Variants in TMEM145 observed in about 807,000 individuals in gnomAD.
The protein encoded by TMEM145 is transmembrane protein 145.
TMEM145 carries 46 observed loss-of-function variants against 68.5 expected under a neutral mutation model. That is an observed-to-expected ratio of 0.67 (90% CI 0.53 to 0.86). TMEM145 has a LOEUF of 0.86. TMEM145 is among the 40% of genes least tolerant of loss of function. The probability of loss-of-function intolerance (pLI) is 0.00; values close to 1 mark genes in which losing one functional copy is unlikely to be tolerated. For synonymous variants in TMEM145, 255 were observed against 280.2 expected, an observed-to-expected ratio of 0.91 and a Z score of 0.90; for missense variants, 570 against 645.8, an observed-to-expected ratio of 0.88 and a Z score of 1.27.
chr19:42,324,823 C>A lies in TMEM145; in HGVS notation c.*6C>A. The A allele has an allele frequency of 6.4e-7, 1 of 1,558,210 alleles. No homozygotes were observed. The highest frequency in any genetic ancestry group is 8.6e-7 in the Non-Finnish European group (1 of 1,158,820). On this transcript the variant is annotated 3_prime_UTR_variant, in exon 15 of 15. Transcript: ENST00000301204. The stretch of plus-strand genomic sequence containing the variant: ...GCCCCCTTCGAGACCTCTGACCCCG[C>A]TGGACTCCGGAACACCCGTGGTGAC...
rs2038900359 is a variant in TMEM145, at chr19:42,320,411, C to T, written c.1168C>T (p.His390Tyr). 2 of 1,614,088 alleles carry T rather than the reference C, an allele frequency of 1.2e-6. No individual in the cohort carries two copies. Among genetic ancestry groups the T allele is most frequent in the Non-Finnish European group, 1.7e-6 (2 of 1,180,036 alleles). Residue 390 changes from histidine (H) to tyrosine (Y), a missense_variant, in exon 13 of 15, where the codon CAC becomes TAC. Transcript: ENST00000301204. Reference protein sequence around the residue: ...KIVNGIQLGIHLYAHGVFLIM... With the variant: ...KIVNGIQLGIYLYAHGVFLIM... ...TGTCAATGGCATCCAGCTGGGGATCCACTTGTACGCCCATGGCGTGTTTCT... is the reference window on the plus strand; with the variant it reads ...TGTCAATGGCATCCAGCTGGGGATCTACTTGTACGCCCATGGCGTGTTTCT...
intron 13 of TMEM145, among the ~76,000 whole-genome samples, chr19:42,323,129 A>G (rs1285340721): frequency 6.6e-6 from 1 of 152,210 alleles, no homozygotes; most frequent in African/African-American, 2.4e-5. Context: ...TTGCTGTCCA[A>G]TTGAACTTTC....
intron 1 of TMEM145, 118 bp from the exon 2 acceptor site, chr19:42,314,154 C>T: frequency 9.8e-7 from 1 of 1,024,674 alleles, no homozygotes; most frequent in Non-Finnish European, 1.5e-6. Context: ...GTGACCTGGT[C>T]TCCTTCTAGT....
chr19:42,318,704 A>G (rs1304894855), intron 12 of TMEM145, among the ~76,000 whole-genome samples: 2 of 149,766 alleles, frequency 1.3e-5, no homozygotes, highest in Non-Finnish European at 3.0e-5. Context: ...AAAAAAAAAC[A>G]GGATCTCCTC....
In TMEM145 at chr19:42,319,232, A is replaced by G. The variant is rs193262811; in HGVS notation, c.1074-1085A>G. Among the ~76,000 whole-genome samples the G allele has an allele frequency of 1.5e-3, 226 of 152,312 alleles. 2 individuals are homozygous for G. The highest frequency in any genetic ancestry group is 2.9e-3 in the Non-Finnish European group (200 of 68,026). On this transcript the variant is annotated intron_variant, in intron 12 of 14. Coordinates refer to ENST00000301204, the MANE Select transcript of TMEM145 (RefSeq NM_173633.3). ...CAGATCTCAGCTCTAAAGCTTATAG[A>G]TGATGTGACCTCAGACGAGCCCATT...
chr19:42,324,929 C>A lies in TMEM145; in HGVS notation c.*112C>A. 1.5e-6 allele frequency: 2 copies of A among 1,314,516 alleles called. No homozygotes were observed. The highest frequency in any genetic ancestry group is 4.2e-5 in the South Asian group (2 of 47,282). The allele number at this position is 1,314,516 out of a possible 1,614,324, so 81.4% of individuals were successfully genotyped here. A position where few individuals can be genotyped will look rare whatever the true frequency, so the allele number is the denominator to read the frequency against. On this transcript the variant is annotated 3_prime_UTR_variant, in exon 15 of 15. Transcript: ENST00000301204. ...CGATGCTGGTCTCGACCCTGAAACCCTCCCTCGGATCTGTGACCTCGGACC... is the reference window on the plus strand; with the variant it reads ...CGATGCTGGTCTCGACCCTGAAACCATCCCTCGGATCTGTGACCTCGGACC...
intron 13 of TMEM145, chr19:42,321,107 C>A: frequency 2.5e-6 from 1 of 398,922 alleles, no homozygotes; most frequent in Non-Finnish European, 4.4e-6. Context: ...TCTCCACTCT[C>A]CCCCTGCCCC....
intron 6 of TMEM145, 51 bp downstream of exon 6, chr19:42,315,128 G>C: frequency 6.2e-7 from 1 of 1,614,194 alleles, no homozygotes; most frequent in Non-Finnish European, 8.5e-7. Context: ...CACCAGAGCT[G>C]GGTGCCCACT....
At position 42,316,643 on chromosome 19, in the gene TMEM145, C is replaced by G. The variant is rs749878901; in HGVS notation, c.728-19C>G. 3 of 1,613,812 alleles carry G rather than the reference C, an allele frequency of 1.9e-6. No individual in the cohort carries two copies. In the East Asian group the frequency reaches 6.7e-5, roughly 36 times the overall value. On this transcript the variant is annotated intron_variant, in intron 9 of 14. Transcript: ENST00000301204. ...GGTCTGAGCCTGGCTCTGAGCCGCCCCCTCCTCCCTTCTCCCAGCCAAGCT... is the reference window on the plus strand; with the variant it reads ...GGTCTGAGCCTGGCTCTGAGCCGCCGCCTCCTCCCTTCTCCCAGCCAAGCT...
chr19:42,313,779 A>T lies in TMEM145; in HGVS notation c.120+283A>T, dbSNP rs1340623434. Reference sequence around the variant, plus strand: ...TCAGAGTTTGGGAAGGGTGGTGCAGAGGTGGTGCTGAAGGGACAGCACTTT... The same window carrying T: ...TCAGAGTTTGGGAAGGGTGGTGCAGTGGTGGTGCTGAAGGGACAGCACTTT... On this transcript the variant is annotated intron_variant, in intron 1 of 14. Transcript: ENST00000301204. The surrounding 1 kb of genome is among the most constrained non-coding windows in gnomAD (Gnocchi z 5.1). 6.6e-6 allele frequency among the ~76,000 whole-genome samples: 1 copy of T among 151,820 alleles called. No homozygotes were observed. Among genetic ancestry groups the T allele is most frequent in the Non-Finnish European group, 1.5e-5 (1 of 67,942 alleles).
At chr19:42,314,184 T>TG (rs1348891961) in intron 1 of TMEM145, 88 bp from the exon 2 acceptor site, 3 of 1,447,618 alleles carry the variant, frequency 2.1e-6, no homozygotes, top group African/African-American at 2.8e-5. Context: ...GCCAGGTACC[T>TG]GGGGGGTAGG....
In TMEM145 at chr19:42,324,730, C is replaced by T. The variant is rs536770855; in HGVS notation, c.1402-7C>T. ...GCGGGAGCCGCTCTCCCCGTCCCCT[C>T]CCTCAGCCCCTGCCCCGAGCGGCGC... On this transcript the variant is annotated splice_polypyrimidine_tract_variant and splice_region_variant and intron_variant, in intron 14 of 14. Transcript: ENST00000301204. 2.0e-4 allele frequency: 311 copies of T among 1,521,720 alleles called. 7 individuals are homozygous for T. The South Asian group carries it at 3.6e-3, about 18-fold the overall frequency. The allele number at this position is 1,521,720 out of a possible 1,614,324, so 94.3% of individuals were successfully genotyped here.
rs772649107 is a variant in TMEM145 at position 42,314,657 on chromosome 19, G to A, written c.318G>A (p.Gln106=). ...CAGTGATCCGGCCGGAGAACAACCA[G>A]GTCATCAACCTCACCACCCAGTATG... is the stretch of plus-strand genomic sequence containing the variant. ...KESVIRPENN[Q]VINLTTQYAW... Residue 106 remains glutamine (Q), a synonymous_variant, in exon 4 of 15, where the codon CAG becomes CAA. Transcript: ENST00000301204. The A allele has an allele frequency of 8.7e-6, 14 of 1,614,194 alleles. No homozygotes were observed. Among genetic ancestry groups the A allele is most frequent in the Non-Finnish European group, 1.2e-5 (14 of 1,180,034 alleles).
At chr19:42,320,556 G>A in intron 13 of TMEM145, 119 bp downstream of exon 13, 1 of 1,443,102 alleles carries the variant, frequency 6.9e-7, no homozygotes, top group Non-Finnish European at 9.5e-7. Flanking sequence ...TTTCCTTTTA[G>A]TCATTCTCCC....
In TMEM145 at chr19:42,323,779, C is replaced by T. The variant is rs2038935008; in HGVS notation, c.1391C>T (p.Pro464Leu). Residue 464 changes from proline to leucine, a missense_variant, in exon 14 of 15, where the codon CCC (proline) becomes CTC (leucine). By Grantham distance (98) the Pro-to-Leu change is moderately conservative (BLOSUM62 -3). Transcript: ENST00000301204. ...NFTELFSIPP[P>L]ATSPLPRAAP... ...ACGGAGCTCTTCTCCATCCCCCCGC[C>T]CGCCACCTCCGTAAGCCCCGCGGCC... 6.2e-7 allele frequency: 1 copy of T among 1,613,790 alleles called. No individual in the cohort carries two copies. The highest frequency in any genetic ancestry group is 1.1e-5 in the South Asian group (1 of 91,084).
In TMEM145 at chr19:42,314,543, G is replaced by A. The variant is rs1231103112; in HGVS notation, c.273+15G>A. 5 of 1,614,196 alleles carry A rather than the reference G, an allele frequency of 3.1e-6. No homozygotes were observed. Among genetic ancestry groups the A allele is most frequent in the Non-Finnish European group, 4.2e-6 (5 of 1,180,034 alleles). ...CAGGGGACAAGGTGAGGGCTGTGAA[G>A]AGGGCATAGGGGGAGAGGGGAGAAG... On this transcript the variant is annotated intron_variant, in intron 3 of 14. Coordinates refer to ENST00000301204, the MANE Select transcript of TMEM145 (RefSeq NM_173633.3).
At position 42,315,386 on chromosome 19, in the gene TMEM145, C is replaced by T. The variant is rs772307633; in HGVS notation, c.592C>T (p.Arg198Cys). The T allele has an allele frequency of 1.9e-6, 3 of 1,614,140 alleles. No individual in the cohort carries two copies. The highest frequency in any genetic ancestry group is 1.7e-6 in the Non-Finnish European group (2 of 1,180,020). ...SCYFGYLLKG[R>C]QLLHTTYKMF... is the part of the protein sequence containing the mutation. ...TTGCTTCCTAGATTTGCTGAAAGGTCGTCAGTTGCTCCACACAACTTATAA... is the reference window on the plus strand; with the variant it reads ...TTGCTTCCTAGATTTGCTGAAAGGTTGTCAGTTGCTCCACACAACTTATAA... The change falls in exon 8 of 15, where the codon CGT (arginine) becomes TGT (cysteine). Residue 198 changes from arginine (R) to cysteine (C), a missense_variant. Arg to Cys is a radical substitution (Grantham distance 180). Transcript: ENST00000301204.
chr19:42,313,391 C>T lies in TMEM145; in HGVS notation c.15C>T (p.Arg5=). The part of the protein sequence containing the change: MEPL[R]APALRRLLPP... Reference sequence around the variant, plus strand: ...GAGCGGGCGGAATGGAGCCCCTGCGCGCGCCCGCGCTGCGCCGCCTGCTGC... The same window carrying T: ...GAGCGGGCGGAATGGAGCCCCTGCGTGCGCCCGCGCTGCGCCGCCTGCTGC... Residue 5 remains arginine, a synonymous_variant, in exon 1 of 15, where the codon CGC becomes CGT. Coordinates refer to ENST00000301204, the MANE Select transcript of TMEM145 (RefSeq NM_173633.3). The surrounding 1 kb of genome is among the most constrained non-coding windows in gnomAD (Gnocchi z 5.1). 4 of 1,300,216 alleles carry T rather than the reference C, an allele frequency of 3.1e-6. No homozygotes were observed. The highest frequency in any genetic ancestry group is 7.7e-5 in the Admixed American group (2 of 25,830). 80.5% of individuals were successfully genotyped at this position (1,300,216 alleles called of 1,614,324 possible).
Position 42,315,255 on chromosome 19 carries a change from T to G in TMEM145, c.573T>G (p.Phe191Leu), listed in dbSNP as rs772119920. 1 of 1,609,458 alleles carries G rather than the reference T, an allele frequency of 6.2e-7. No homozygotes were observed. The highest frequency in any genetic ancestry group is 1.3e-5 in the African/African-American group (1 of 74,866). The change falls in exon 7 of 15, where the codon TTT (phenylalanine) becomes TTG (leucine). Residue 191 changes from phenylalanine to leucine, a missense_variant. Physicochemically the swap from Phe to Leu is conservative, Grantham distance 22. Coordinates refer to ENST00000301204, the MANE Select transcript of TMEM145 (RefSeq NM_173633.3). ...FILIFFLSCY[F>L]GYLLKGRQLL... ...TCATCTTCTTCCTCTCTTGTTACTT[T>G]GGATGTGAGTCTGGCACATGGGGTG...
Sources: allele counts gnomAD v4.1 joint callset (sites outside exome capture counted in the v4.1 genomes callset), GRCh38; gene constraint gnomAD v4.1.1; non-coding constraint Gnocchi (gnomAD v3.1); transcripts MANE v1.5; gene names NCBI Gene and HGNC (gene_info 2026-07-23, HGNC 2026-07-21).